PLEKHA5: variants seen among roughly 807,000 people sequenced by gnomAD.
PLEKHA5 encodes pleckstrin homology domain containing A5.
Under a neutral mutation model 181.9 loss-of-function variants are expected in PLEKHA5, and 55 were observed. The ratio of observed to expected loss-of-function variants is 0.30; its 90% confidence interval spans 0.24 to 0.38. The LOEUF is 0.38. Among genes scored for constraint, PLEKHA5 ranks in the 10% least tolerant of loss-of-function variants. The pLI is 1.00. For missense variants in PLEKHA5, 1,432 were observed against 1,549.5 expected (o/e 0.92, Z 1.27); for synonymous variants, 535 against 529.4 (o/e 1.01, Z -0.15).
intron 3 of PLEKHA5, among the ~76,000 whole-genome samples, chr12:19,226,524 A>G (rs571525054): frequency 3.0e-4 from 45 of 152,296 alleles, no homozygotes; most frequent in Middle Eastern, 3.4e-3. Flanking sequence ...TGTTTTCCAT[A>G]GCACCTGCAC....
chr12:19,179,420 G>A (rs2048037751), intron 3 of PLEKHA5, among the ~76,000 whole-genome samples: 1 of 152,212 alleles, frequency 6.6e-6, no homozygotes, highest in East Asian at 1.9e-4. Flanking sequence ...ACTTTGGGAG[G>A]CTGAGGCAGG....
intron 3 of PLEKHA5, among the ~76,000 whole-genome samples, chr12:19,204,555 T>A (rs2054945948): frequency 6.6e-6 from 1 of 152,162 alleles, no homozygotes; most frequent in East Asian, 1.9e-4. Context: ...TTTGATGGCA[T>A]AAACATGCAT....
chr12:19,299,985 G>T (rs560251013), intron 15 of PLEKHA5, among the ~76,000 whole-genome samples: 1 of 152,252 alleles, frequency 6.6e-6, no homozygotes, highest in South Asian at 2.1e-4. Context: ...CCATTTCTCA[G>T]ATACTTCCAA....
chr12:19,163,925 T>G (rs2043612576), intron 3 of PLEKHA5, among the ~76,000 whole-genome samples: 1 of 152,102 alleles, frequency 6.6e-6, no homozygotes. Flanking sequence ...GCAACCAAAC[T>G]CAGAATTTTC....
intron 3 of PLEKHA5, among the ~76,000 whole-genome samples, chr12:19,159,050 T>C (rs1320697408): frequency 2.6e-5 from 4 of 152,236 alleles, no homozygotes; most frequent in Non-Finnish European, 5.9e-5. Flanking sequence ...TTTCAAATAT[T>C]TCCTAATGTG....
chr12:19,360,874 G>A (rs181113590), intron 28 of PLEKHA5, among the ~76,000 whole-genome samples: 3,076 of 151,920 alleles, frequency 0.02, 46 homozygotes, highest in Middle Eastern at 0.038. Context: ...TCCTGCCTTA[G>A]CCTCCCAAGT....
intron 15 of PLEKHA5, among the ~76,000 whole-genome samples, chr12:19,304,167 A>G (rs2082447951): frequency 6.6e-6 from 1 of 152,106 alleles, no homozygotes; most frequent in Non-Finnish European, 1.5e-5. Context: ...CACGCCTGTA[A>G]TCCCAACACT....
At chr12:19,372,395 G>GTTTTTTTTTTTTTTTTTTTTTTTTTTTT in intron 31 of PLEKHA5, 1 of 139,226 alleles carries the variant, frequency 7.2e-6, no homozygotes, top group Non-Finnish European at 1.6e-5. Context: ...GGGATTATTT[G>GTTTTTTTTTTTTTTTTTTTTTTTTTTTT]TTTTTGTTTT....
At chr12:19,248,832 C>T (rs2064452591) in intron 3 of PLEKHA5, among the ~76,000 whole-genome samples, 1 of 152,054 alleles carries the variant, frequency 6.6e-6, no homozygotes, top group African/African-American at 2.4e-5. Flanking sequence ...TATGGGTAGG[C>T]ACGAAGTTAA....
At chr12:19,218,651 T>C (rs537712168) in intron 3 of PLEKHA5, among the ~76,000 whole-genome samples, 9 of 152,220 alleles carry the variant, frequency 5.9e-5, no homozygotes, top group African/African-American at 2.2e-4. Flanking sequence ...AAAACATGTC[T>C]AAAGTTGTAT....
intron 3 of PLEKHA5, among the ~76,000 whole-genome samples, chr12:19,135,951 C>G (rs1591768978): frequency 6.8e-6 from 1 of 146,704 alleles, no homozygotes; most frequent in Admixed American, 7.0e-5. Context: ...TCTATCACAA[C>G]ACACTGCAGC....
intron 3 of PLEKHA5, chr12:19,150,408 C>CA (rs1297680343): frequency 6.6e-6 from 1 of 152,176 alleles, no homozygotes; most frequent in Non-Finnish European, 1.5e-5. Flanking sequence ...TGCCCACACC[C>CA]AAAACCCACT....
At chr12:19,215,445 A>G (rs138652132) in intron 3 of PLEKHA5, among the ~76,000 whole-genome samples, 8 of 152,322 alleles carry the variant, frequency 5.3e-5, no homozygotes, top group Non-Finnish European at 1.0e-4. Flanking sequence ...CTGACATGTT[A>G]ACAGCTAACA....
Position 19,258,561 on chromosome 12 carries a change from C to CTTTTTTTTTTTTTTTTTTTT in PLEKHA5, c.537+1039_537+1040insTTTTTTTTTTTTTTTTTTTT, listed in dbSNP as rs71440398. ...TTTAGTTTCTTTTTTTTTTCTTTTTCTTTTTTTTTTTTTTTGTGAGACAGG... is the reference window on the plus strand; with the variant it reads ...TTTAGTTTCTTTTTTTTTTCTTTTTCTTTTTTTTTTTTTTTTTTTTTTTTTTTTTTTTTTTGTGAGACAGG... On this transcript the variant is annotated intron_variant, in intron 6 of 31. Coordinates refer to ENST00000429027, the MANE Select transcript of PLEKHA5 (RefSeq NM_001256470.2). 1.6e-4 allele frequency among the ~76,000 whole-genome samples: 20 copies of CTTTTTTTTTTTTTTTTTTTT among 123,796 alleles called. 1 individual carries two copies. Among genetic ancestry groups the CTTTTTTTTTTTTTTTTTTTT allele is most frequent in the Non-Finnish European group, 2.2e-4 (14 of 62,250 alleles). The allele number at this position is 123,796 out of a possible 152,430, so 81.2% of individuals were successfully genotyped here.
At chr12:19,195,169 G>A (rs990849995) in intron 3 of PLEKHA5, among the ~76,000 whole-genome samples, 3 of 152,014 alleles carry the variant, frequency 2.0e-5, no homozygotes, top group Non-Finnish European at 4.4e-5. Flanking sequence ...ACTAGGACTT[G>A]AACCTGAACC....
intron 3 of PLEKHA5, among the ~76,000 whole-genome samples, chr12:19,204,805 AAGG>A: frequency 6.6e-6 from 1 of 152,254 alleles, no homozygotes; most frequent in East Asian, 1.9e-4. Context: ...AATATTTCCA[AAGG>A]AGAAGTTAAA....
intron 2 of PLEKHA5, among the ~76,000 whole-genome samples, chr12:19,132,055 T>C (rs969902882): frequency 5.3e-5 from 8 of 152,206 alleles, no homozygotes; most frequent in Non-Finnish European, 1.2e-4. Context: ...TACCCAGCTT[T>C]TTTTTTTGCT....
At chr12:19,281,768 T>TTTGTTGTTGTTGTTGTTG (rs71064075) in intron 11 of PLEKHA5, among the ~76,000 whole-genome samples, 2 of 149,506 alleles carry the variant, frequency 1.3e-5, no homozygotes, top group African/African-American at 4.9e-5. Context: ...CAAAGTGGTT[T>TTTGTTGTTGTTGTTGTTG]TTGTTGTTGT....
At chr12:19,243,680 T>C (rs191634452) in intron 3 of PLEKHA5, among the ~76,000 whole-genome samples, 2 of 152,318 alleles carry the variant, frequency 1.3e-5, no homozygotes, top group Admixed American at 1.3e-4. Flanking sequence ...TTGAGCAGGA[T>C]GTCTGGAAGC....
Sources: gnomAD v4.1 joint callset for allele counts (sites outside exome capture counted in the v4.1 genomes callset) on GRCh38, gnomAD v4.1.1 for gene constraint, MANE v1.5 for transcripts, NCBI Gene and HGNC (gene_info 2026-07-23, HGNC 2026-07-21) for gene names.